PPP4R4: variants seen among roughly 807,000 people sequenced by gnomAD.
The protein encoded by PPP4R4 is serine/threonine-protein phosphatase 4 regulatory subunit 4.
A neutral mutation model predicts 121.8 loss-of-function variants in PPP4R4; 70 were observed. The ratio of observed to expected loss-of-function variants is 0.57; its 90% CI spans 0.47 to 0.70. The LOEUF is 0.70. Among genes scored for constraint, PPP4R4 ranks in the 30% least tolerant of loss-of-function variants. The pLI is 0.00. For synonymous variants in PPP4R4, 348 were observed against 355.7 expected, an observed-to-expected ratio of 0.98 and a Z score of 0.24; for missense variants, 875 against 1,033.6, an observed-to-expected ratio of 0.85 and a Z score of 2.10.
chr14:94,240,840 CT>C (rs749115459), intron 9 of PPP4R4, 45 bp downstream of exon 9: 30 of 1,437,400 alleles, frequency 2.1e-5, no homozygotes, highest in Admixed American at 1.4e-4. Flanking sequence ...TAATTTTTCC[CT>C]TTTTTTTCTA....
chr14:94,242,465 C>T, intron 11 of PPP4R4, 57 bp downstream of exon 11: 2 of 1,510,302 alleles, frequency 1.3e-6, no homozygotes, highest in Non-Finnish European at 1.8e-6. Flanking sequence ...CCTATGTATA[C>T]TAGATGATTT....
intron 23 of PPP4R4, among the ~76,000 whole-genome samples, chr14:94,269,268 A>G (rs1243193028): frequency 1.3e-5 from 2 of 152,192 alleles, no homozygotes; most frequent in African/African-American, 4.8e-5. Context: ...ATAGAATAAC[A>G]TTCCATTCAC....
chr14:94,206,368 T>C (rs1890460536), intron 2 of PPP4R4, among the ~76,000 whole-genome samples: 1 of 152,050 alleles, frequency 6.6e-6, no homozygotes. Flanking sequence ...TTGAAGTGAG[T>C]TTCTTGTAGA....
At chr14:94,190,029 G>C (rs182618101) in intron 2 of PPP4R4, among the ~76,000 whole-genome samples, 5 of 148,652 alleles carry the variant, frequency 3.4e-5, no homozygotes, top group Non-Finnish European at 7.4e-5. Flanking sequence ...TAGGTGCCAG[G>C]GATTTGGCTT....
At chr14:94,234,135 A>T (rs1255275403) in intron 6 of PPP4R4, among the ~76,000 whole-genome samples, 1 of 152,144 alleles carries the variant, frequency 6.6e-6, no homozygotes, top group Non-Finnish European at 1.5e-5. Context: ...AATTTAACTT[A>T]TTGTGAGGTT....
chr14:94,246,220 C>T, intron 13 of PPP4R4, 137 bp from the exon 14 acceptor site: 8 of 648,454 alleles, frequency 1.2e-5, no homozygotes, highest in South Asian at 3.3e-5. Context: ...TAATTATCTC[C>T]TTGTGACAAC....
Position 94,211,592 on chromosome 14 carries a change from G to A in PPP4R4, c.294+3026G>A, listed in dbSNP as rs181748164. The stretch of plus-strand genomic sequence containing the variant: ...ATGGTTGATGAAAGAGCATGCAAAT[G>A]TTGGTTTTCATTCTTAGGACAGTGA... On this transcript the variant is annotated intron_variant, in intron 3 of 24. Transcript: ENST00000304338. Among the ~76,000 whole-genome samples, 11 of 152,284 alleles carry A rather than the reference G, an allele frequency of 7.2e-5. No homozygotes were observed. In the East Asian group the frequency reaches 2.1e-3, roughly 29 times the overall value.
In PPP4R4 at chr14:94,240,811, A is replaced by C; in HGVS notation, c.976+16A>C. The C allele has an allele frequency of 6.7e-7, 1 of 1,488,874 alleles. No individual in the cohort carries two copies. The highest frequency in any genetic ancestry group is 8.9e-7 in the Non-Finnish European group (1 of 1,124,338). 92.2% of individuals were successfully genotyped at this position (1,488,874 alleles called of 1,614,324 possible). On this transcript the variant is annotated intron_variant, in intron 9 of 24. Coordinates refer to ENST00000304338, the MANE Select transcript of PPP4R4 (RefSeq NM_058237.2). ...GGACTATATGGTATGATATATCCTA[A>C]GAATTTTGAGACTGTAGATAATTTT...
chr14:94,213,158 G>T (rs139090634), intron 3 of PPP4R4, among the ~76,000 whole-genome samples: 2 of 152,164 alleles, frequency 1.3e-5, no homozygotes, highest in Non-Finnish European at 2.9e-5. Flanking sequence ...CTTGCTCAAC[G>T]TCACAAAGCT....
At chr14:94,244,112 A>G (rs573110903) in intron 11 of PPP4R4, among the ~76,000 whole-genome samples, 1 of 152,210 alleles carries the variant, frequency 6.6e-6, no homozygotes, top group East Asian at 1.9e-4. Flanking sequence ...CTACAAGGGG[A>G]ACTGTATTAT....
In PPP4R4 at chr14:94,174,344, C is replaced by T; in HGVS notation, c.-122C>T. 1 of 915,918 alleles carries T rather than the reference C, an allele frequency of 1.1e-6. No individual in the cohort carries two copies. Among genetic ancestry groups the T allele is most frequent in the Non-Finnish European group, 1.4e-6 (1 of 696,438 alleles). The allele number at this position is 915,918 out of a possible 1,614,324, so 56.7% of individuals were successfully genotyped here. ...GCTCTTGCTCCCGCCGCCTGGCAGCCTCACGCTCGGCTCCAGCGGCCAAGA... is the reference window on the plus strand; with the variant it reads ...GCTCTTGCTCCCGCCGCCTGGCAGCTTCACGCTCGGCTCCAGCGGCCAAGA... On this transcript the variant is annotated 5_prime_UTR_variant, in exon 1 of 25. Transcript: ENST00000304338.
intron 13 of PPP4R4, among the ~76,000 whole-genome samples, 163 bp downstream of exon 13, chr14:94,245,833 T>G (rs544664889): frequency 6.6e-6 from 1 of 152,336 alleles, no homozygotes; most frequent in East Asian, 1.9e-4. Flanking sequence ...ACAGCTTGAA[T>G]TTCCTCTATC....
rs545774450 is a variant in PPP4R4, at chr14:94,238,460, A to G, written c.853+774A>G. Among the ~76,000 whole-genome samples, 10 of 152,326 alleles carry G rather than the reference A, an allele frequency of 6.6e-5. No homozygotes were observed. In the South Asian group the frequency reaches 1.7e-3, roughly 25 times the overall value. ...AGACAGATCCTGAGACATTGTCTAC[A>G]TGAGTTTCCTCTCCTTAATAATATT... is the stretch of plus-strand genomic sequence containing the variant. On this transcript the variant is annotated intron_variant, in intron 8 of 24. Coordinates refer to ENST00000304338, the MANE Select transcript of PPP4R4 (RefSeq NM_058237.2).
rs1892411326 is a variant in PPP4R4 at position 94,237,616 on chromosome 14, G to T, written c.783G>T (p.Arg261Ser). Residue 261 changes from arginine to serine, a missense_variant, in exon 8 of 25, where the codon AGG (arginine) becomes AGT (serine). By Grantham distance (110) the Arg-to-Ser change is moderately radical. Transcript: ENST00000304338. ...TCCCTGAATTAATAGAACTTTCTAGGGATGAAGGCAGCAGTGTACGACTTG... is the reference window on the plus strand; with the variant it reads ...TCCCTGAATTAATAGAACTTTCTAGTGATGAAGGCAGCAGTGTACGACTTG... ...VVLPELIELSRDEGSSVRLAA... is the reference protein window; with the variant it reads ...VVLPELIELSSDEGSSVRLAA... 6.2e-7 allele frequency: 1 copy of T among 1,612,590 alleles called. No homozygotes were observed. Among genetic ancestry groups the T allele is most frequent in the African/African-American group, 1.3e-5 (1 of 75,008 alleles).
intron 19 of PPP4R4, among the ~76,000 whole-genome samples, chr14:94,262,211 C>T (rs1264388926): frequency 6.6e-6 from 1 of 151,956 alleles, no homozygotes; most frequent in Non-Finnish European, 1.5e-5. Context: ...ATAATTGATT[C>T]TATTTCCTTA....
intron 3 of PPP4R4, among the ~76,000 whole-genome samples, chr14:94,218,757 C>T (rs1891212779): frequency 6.6e-6 from 1 of 150,792 alleles, no homozygotes; most frequent in Admixed American, 6.6e-5. Context: ...CACACACACA[C>T]ACACCCTCAC....
chr14:94,230,810 T>C, intron 4 of PPP4R4, 76 bp downstream of exon 4: 1 of 1,443,370 alleles, frequency 6.9e-7, no homozygotes, highest in Non-Finnish European at 9.4e-7. Context: ...ATATAAATAC[T>C]GTTAGCCTGA....
chr14:94,266,221 C>G (rs1894046563), intron 22 of PPP4R4, among the ~76,000 whole-genome samples: 1 of 152,078 alleles, frequency 6.6e-6, no homozygotes, highest in Admixed American at 6.6e-5. Flanking sequence ...GTTCCATTAT[C>G]TAAATGTATA....
At chr14:94,269,121 A>T (rs996011191) in intron 23 of PPP4R4, among the ~76,000 whole-genome samples, 5 of 152,174 alleles carry the variant, frequency 3.3e-5, no homozygotes, top group Non-Finnish European at 7.3e-5. Context: ...TGGAAGCAGA[A>T]CATCTTTTAA....
Sources: allele counts gnomAD v4.1 joint callset (sites outside exome capture counted in the v4.1 genomes callset), GRCh38; gene constraint gnomAD v4.1.1; transcripts MANE v1.5; gene names NCBI Gene and HGNC (gene_info 2026-07-23, HGNC 2026-07-21).